The following ADAM28 variants were observed in gnomAD, a reference collection of about 807,000 sequenced individuals.
The protein encoded by ADAM28 is ADAM metallopeptidase domain 28, also known as disintegrin and metalloproteinase domain-containing protein 28.
ADAM28 carries 105 observed loss-of-function variants against 101.2 expected under a neutral mutation model. The ratio of observed to expected loss-of-function variants is 1.04; its 90% CI spans 0.89 to 1.22. The LOEUF (loss-of-function observed/expected upper bound fraction) is 1.22, where lower values mean the gene tolerates loss of function less well. Ranked by LOEUF, ADAM28 falls within the 50% of genes most tolerant of loss-of-function variation. ADAM28 has a pLI of 0.00. For missense variants in ADAM28, 1,028 were observed against 945.4 expected (o/e 1.09, Z -1.15); for synonymous variants, 322 against 310.6 (o/e 1.04, Z -0.39).
At chr8:24,300,962 T>C (rs189885239) in intron 2 of ADAM28, 98 of 152,294 alleles carry the variant, frequency 6.4e-4, no homozygotes, top group African/African-American at 2.2e-3. Context: ...TCAGTCAACA[T>C]TTACTCAATA....
chr8:24,308,448 G>C (rs1407599791), intron 2 of ADAM28, among the ~76,000 whole-genome samples: 1 of 152,118 alleles, frequency 6.6e-6, no homozygotes, highest in Non-Finnish European at 1.5e-5. Flanking sequence ...TTCAGCTAAA[G>C]TTTTAGTAAC....
chr8:24,307,321 CCT>C (rs985811839), intron 2 of ADAM28, among the ~76,000 whole-genome samples: 1 of 152,222 alleles, frequency 6.6e-6, no homozygotes, highest in African/African-American at 2.4e-5. Flanking sequence ...ACAACTGTGC[CCT>C]GTGTTGTTTT....
intron 20 of ADAM28, among the ~76,000 whole-genome samples, chr8:24,351,759 A>ATCATTTATAACATTGGTAATAATT (rs1554523034): frequency 6.6e-5 from 10 of 150,730 alleles, no homozygotes; most frequent in African/African-American, 2.2e-4. Context: ...AACATTGGTA[A>ATCATTTATAACATTGGTAATAATT]TCATTTATAA....
intron 1 of ADAM28, 111 bp downstream of exon 1, chr8:24,294,306 CTCAA>C (rs1311063579): frequency 5.5e-6 from 7 of 1,276,126 alleles, no homozygotes; most frequent in African/African-American, 3.0e-5. Context: ...TTTCTTTTTT[CTCAA>C]TCAATCTTAC....
intron 21 of ADAM28, 26 bp from the exon 22 acceptor site, chr8:24,353,744 T>C (rs780857600): frequency 7.3e-7 from 1 of 1,369,276 alleles, no homozygotes; most frequent in South Asian, 1.2e-5. Context: ...TCTAATGCCA[T>C]ACCATTGTTT....
At position 24,310,237 on chromosome 8, in the gene ADAM28, T is replaced by G. The variant is rs1488735759; in HGVS notation, c.302T>G (p.Ile101Ser). The G allele has an allele frequency of 3.1e-6, 5 of 1,612,494 alleles. No homozygotes were observed. The highest frequency in any genetic ancestry group is 1.1e-5 in the South Asian group (1 of 91,042). ...TGKEITTSPQIMDDCYYQGHI... is the reference protein window; with the variant it reads ...TGKEITTSPQSMDDCYYQGHI... ...AAGGAGATCACCACAAGCCCACAAA[T>G]TATGGTATAACGGAGTCTCTTCAAT... The change falls in exon 4 of 23, where the codon ATT becomes AGT. Residue 101 changes from isoleucine (I) to serine (S), a missense_variant. Ile to Ser is a moderately radical substitution (Grantham distance 142). Coordinates refer to ENST00000265769, the MANE Select transcript of ADAM28 (RefSeq NM_014265.6).
chr8:24,354,498 A>G lies in ADAM28; in HGVS notation c.*94A>G. ...GAAATATACTATCTATCTCACCAGT[A>G]TTTGCTCTCGACTCAAGAAGGTTAA... On this transcript the variant is annotated 3_prime_UTR_variant, in exon 23 of 23. Transcript: ENST00000265769. 2.1e-6 allele frequency: 3 copies of G among 1,396,492 alleles called. No individual in the cohort carries two copies. Among genetic ancestry groups the G allele is most frequent in the Non-Finnish European group, 2.9e-6 (3 of 1,026,254 alleles). The allele number at this position is 1,396,492 out of a possible 1,614,324, so 86.5% of individuals were successfully genotyped here.
intron 14 of ADAM28, among the ~76,000 whole-genome samples, chr8:24,337,481 A>AC (rs1173740467): frequency 2.6e-5 from 4 of 152,242 alleles, no homozygotes; most frequent in Admixed American, 2.6e-4. Flanking sequence ...ACTTCCTGGA[A>AC]CAGGGACATT....
intron 1 of ADAM28, among the ~76,000 whole-genome samples, chr8:24,297,038 T>C (rs1808059607): frequency 6.6e-6 from 1 of 152,192 alleles, no homozygotes; most frequent in South Asian, 2.1e-4. Context: ...TAAGAGAAAT[T>C]CCATTTAGTT....
intron 6 of ADAM28, among the ~76,000 whole-genome samples, chr8:24,319,474 A>C (rs1412451129): frequency 6.6e-6 from 1 of 151,944 alleles, no homozygotes; most frequent in African/African-American, 2.4e-5. Flanking sequence ...TTTCGTTCCC[A>C]TGGAGGGTAG....
intron 6 of ADAM28, among the ~76,000 whole-genome samples, chr8:24,319,387 G>A (rs1009709165): frequency 5.9e-5 from 9 of 152,000 alleles, no homozygotes; most frequent in Non-Finnish European, 1.3e-4. Flanking sequence ...CTCTGCTGAT[G>A]GAGCTCACAT....
intron 6 of ADAM28, among the ~76,000 whole-genome samples, chr8:24,319,349 T>C (rs1811569491): frequency 6.6e-6 from 1 of 151,988 alleles, no homozygotes; most frequent in Non-Finnish European, 1.5e-5. Context: ...GGCCACCATC[T>C]GATATGTTTA....
chr8:24,345,706 C>T (rs552503464), intron 18 of ADAM28, among the ~76,000 whole-genome samples: 145 of 151,972 alleles, frequency 9.5e-4, no homozygotes, highest in East Asian at 1.9e-3. Context: ...TTGATTCAAC[C>T]GATGCTTTTT....
At chr8:24,307,928 G>T (rs960429503) in intron 2 of ADAM28, among the ~76,000 whole-genome samples, 2 of 152,188 alleles carry the variant, frequency 1.3e-5, no homozygotes, top group African/African-American at 4.8e-5. Context: ...AACAACTGTT[G>T]TATTACTAGA....
chr8:24,316,619 G>T (rs554355929), intron 6 of ADAM28, among the ~76,000 whole-genome samples: 1 of 151,908 alleles, frequency 6.6e-6, no homozygotes, highest in East Asian at 1.9e-4. Context: ...ATGGAAAGCC[G>T]CTGATAACAT....
rs562037200 is a variant in ADAM28, at chr8:24,294,128, C to T, written c.-22C>T. 1.9e-5 allele frequency: 31 copies of T among 1,614,012 alleles called. No individual in the cohort carries two copies. Among genetic ancestry groups the T allele is most frequent in the South Asian group, 1.4e-4 (13 of 91,084 alleles). ...CCACCTGAGCGAGAAGAGCAGACACCGTGCTCCTGGAATCACCCAGCATGT... is the reference window on the plus strand; with the variant it reads ...CCACCTGAGCGAGAAGAGCAGACACTGTGCTCCTGGAATCACCCAGCATGT... On this transcript the variant is annotated 5_prime_UTR_variant, in exon 1 of 23. Transcript: ENST00000265769.
intron 8 of ADAM28, among the ~76,000 whole-genome samples, chr8:24,322,064 T>G (rs537240523): frequency 1.3e-5 from 2 of 151,986 alleles, no homozygotes; most frequent in Admixed American, 6.6e-5. Flanking sequence ...TCTTTTGATA[T>G]GCATATACAT....
rs751939730 is a variant in ADAM28, at chr8:24,294,200, A to G, written c.46+5A>G. 1.2e-6 allele frequency: 2 copies of G among 1,613,948 alleles called. No homozygotes were observed. Among genetic ancestry groups the G allele is most frequent in the African/African-American group, 1.3e-5 (1 of 74,916 alleles). On this transcript the variant is annotated splice_donor_5th_base_variant and intron_variant, in intron 1 of 22. Coordinates refer to ENST00000265769, the MANE Select transcript of ADAM28 (RefSeq NM_014265.6). Reference sequence around the variant, plus strand: ...GTCTCCTCCTCTCTGTTGCAGGTACATATTTAGCTCTTTTTCAGGTTCTAT... The same window carrying G: ...GTCTCCTCCTCTCTGTTGCAGGTACGTATTTAGCTCTTTTTCAGGTTCTAT...
intron 18 of ADAM28, chr8:24,347,017 A>G (rs1050152843): frequency 3.9e-5 from 6 of 152,012 alleles, no homozygotes; most frequent in African/African-American, 1.2e-4. Context: ...ATTATCACCA[A>G]GAGTCTTTAA....
Sources: gnomAD v4.1 joint callset for allele counts (sites outside exome capture counted in the v4.1 genomes callset) on GRCh38, gnomAD v4.1.1 for gene constraint, MANE v1.5 for transcripts, NCBI Gene and HGNC (gene_info 2026-07-23, HGNC 2026-07-21) for gene names.